ASPH: variants seen among roughly 807,000 people sequenced by gnomAD.
The protein encoded by ASPH is aspartyl/asparaginyl beta-hydroxylase.
A neutral mutation model predicts 118.4 loss-of-function variants in ASPH; 100 were observed. The observed-to-expected ratio is 0.84, with a 90% CI of 0.72 to 1.00. ASPH has a LOEUF of 1.00. ASPH is among the 50% of genes least tolerant of loss of function. ASPH has a pLI of 0.00. For synonymous variants in ASPH, 315 were observed against 325.6 expected, an observed-to-expected ratio of 0.97 and a Z score of 0.35; for missense variants, 920 against 919.5, an observed-to-expected ratio of 1.00 and a Z score of -0.01.
At chr8:61,530,348 C>T (rs1007291658) in intron 21 of ASPH, among the ~76,000 whole-genome samples, 1 of 152,186 alleles carries the variant, frequency 6.6e-6, no homozygotes, top group Non-Finnish European at 1.5e-5. Flanking sequence ...CTTTCTACGG[C>T]AGCACATGGC....
chr8:61,702,280 CTTTTTTTTTTT>C (rs71257379), intron 1 of ASPH, among the ~76,000 whole-genome samples: 2 of 123,378 alleles, frequency 1.6e-5, no homozygotes, highest in African/African-American at 3.1e-5. Context: ...ATAGCTACTT[CTTTTTTTTTTT>C]TTTTTTTTTT....
intron 15 of ASPH, chr8:61,578,795 A>C: frequency 6.2e-7 from 1 of 1,600,010 alleles, no homozygotes; most frequent in South Asian, 1.1e-5. Context: ...TGGAGAATGA[A>C]TTTGTCCTCA....
chr8:61,627,503 C>T (rs568585492), intron 13 of ASPH, among the ~76,000 whole-genome samples: 6 of 152,180 alleles, frequency 3.9e-5, no homozygotes, highest in African/African-American at 9.6e-5. Flanking sequence ...ATCTGAGTAA[C>T]GGGTACGAGT....
intron 14 of ASPH, among the ~76,000 whole-genome samples, chr8:61,596,869 G>A (rs542539575): frequency 3.9e-5 from 6 of 152,244 alleles, no homozygotes; most frequent in South Asian, 2.1e-4. Flanking sequence ...CCAAGGGAAC[G>A]CAATAATTTT....
intron 14 of ASPH, among the ~76,000 whole-genome samples, chr8:61,589,912 C>G (rs141909748): frequency 6.6e-6 from 1 of 151,974 alleles, no homozygotes; most frequent in Non-Finnish European, 1.5e-5. Context: ...GGGAGGGGAG[C>G]CTTCTTGGGG....
Position 61,655,928 on chromosome 8 carries a change from T to C in ASPH, c.323-2268A>G, listed in dbSNP as rs185635124. ...CTCCTCTAGACCTCTATAAACTTTT[T>C]GAAACTTAACAAAAACACATTCTAG... On this transcript the variant is annotated intron_variant, in intron 3 of 24. Coordinates refer to ENST00000379454, the MANE Select transcript of ASPH (RefSeq NM_004318.4). Among the ~76,000 whole-genome samples, 6 of 152,330 alleles carry C rather than the reference T, an allele frequency of 3.9e-5. No individual in the cohort carries two copies. In the East Asian group the frequency reaches 1.2e-3, roughly 29 times the overall value.
intron 13 of ASPH, chr8:61,631,997 G>C (rs1855830562): frequency 6.5e-6 from 1 of 153,082 alleles, no homozygotes; most frequent in Non-Finnish European, 1.5e-5. Context: ...GTCACAGCCA[G>C]ATGGCCCTCA....
chr8:61,510,257 T>C (rs559287779), intron 24 of ASPH, among the ~76,000 whole-genome samples: 44 of 152,326 alleles, frequency 2.9e-4, no homozygotes, highest in African/African-American at 9.6e-4. Context: ...AATGAGGTTA[T>C]GTAAGTTGTA....
intron 24 of ASPH, among the ~76,000 whole-genome samples, chr8:61,515,471 G>T (rs567586250): frequency 6.6e-6 from 1 of 151,880 alleles, no homozygotes; most frequent in Non-Finnish European, 1.5e-5. Flanking sequence ...TCCTCCTTCC[G>T]TCTTCTAAAT....
chr8:61,539,699 G>GGGGTGTGT (rs1554618405), intron 21 of ASPH, among the ~76,000 whole-genome samples: 78 of 124,306 alleles, frequency 6.3e-4, no homozygotes, highest in South Asian at 8.9e-4. Flanking sequence ...ACACTTCTGG[G>GGGGTGTGT]GTGTGTGTGT....
intron 3 of ASPH, chr8:61,658,641 A>G (rs1032653266): frequency 1.3e-5 from 2 of 152,228 alleles, no homozygotes; most frequent in African/African-American, 4.8e-5. Flanking sequence ...GATAATTTAA[A>G]TAAGTATTTT....
chr8:61,550,423 G>A (rs1176132289), intron 20 of ASPH, among the ~76,000 whole-genome samples: 1 of 131,660 alleles, frequency 7.6e-6, no homozygotes, highest in South Asian at 2.3e-4. Flanking sequence ...GCTATGTATG[G>A]TTTTTATGCA....
intron 1 of ASPH, among the ~76,000 whole-genome samples, chr8:61,704,218 A>C (rs1179992872): frequency 3.4e-5 from 5 of 147,278 alleles, no homozygotes; most frequent in East Asian, 4.4e-4. Flanking sequence ...AAAAAAAAAA[A>C]AAAAAAAAAA....
intron 1 of ASPH, among the ~76,000 whole-genome samples, chr8:61,690,841 T>C (rs913978175): frequency 2.6e-5 from 4 of 152,162 alleles, no homozygotes; most frequent in African/African-American, 9.7e-5. Context: ...TAAAAGGATA[T>C]GCACATTTTT....
chr8:61,618,344 TA>T (rs1447499211), intron 14 of ASPH, among the ~76,000 whole-genome samples: 1 of 152,224 alleles, frequency 6.6e-6, no homozygotes, highest in Non-Finnish European at 1.5e-5. Context: ...CAACTGATAC[TA>T]AAAATAGCCA....
chr8:61,520,400 T>C, intron 22 of ASPH, among the ~76,000 whole-genome samples: 1 of 152,338 alleles, frequency 6.6e-6, no homozygotes, highest in South Asian at 2.1e-4. Flanking sequence ...ATTTAATTAA[T>C]GTTAATTGTG....
At position 61,607,292 on chromosome 8, in the gene ASPH, G is replaced by T. The variant is rs539900483; in HGVS notation, c.976+11686C>A. The T allele has an allele frequency of 1.3e-5, 9 of 701,914 alleles. No homozygotes were observed. In the East Asian group the frequency reaches 2.1e-4, roughly 17 times the overall value. The allele number at this position is 701,914 out of a possible 1,614,324, so 43.5% of individuals were successfully genotyped here. ...GAAGTCCCAGGACATGGTGCAAGCC[G>T]CCTGGCTTTCACCAGACGCAAATGA... On this transcript the variant is annotated intron_variant, in intron 14 of 24. Coordinates refer to ENST00000379454, the MANE Select transcript of ASPH (RefSeq NM_004318.4).
chr8:61,668,347 T>A, intron 3 of ASPH: 1 of 1,246,290 alleles, frequency 8.0e-7, no homozygotes, highest in Non-Finnish European at 1.1e-6. Flanking sequence ...AAGTGTCTAT[T>A]AAATAGGTAA....
At chr8:61,569,361 TA>T (rs1218952147) in intron 16 of ASPH, among the ~76,000 whole-genome samples, 9 of 152,184 alleles carry the variant, frequency 5.9e-5, no homozygotes, top group African/African-American at 1.7e-4. Context: ...AAGTAGCATA[TA>T]TTTTTTTTTC....
Sources: gnomAD v4.1 joint callset for allele counts (sites outside exome capture counted in the v4.1 genomes callset) on GRCh38, gnomAD v4.1.1 for gene constraint, MANE v1.5 for transcripts, NCBI Gene and HGNC (gene_info 2026-07-23, HGNC 2026-07-21) for gene names.